Variants in CABLES1 observed in about 807,000 individuals in gnomAD.
The protein encoded by CABLES1 is CDK5 and ABL1 enzyme substrate 1.
A neutral mutation model predicts 57.8 loss-of-function variants in CABLES1; 36 were observed. The ratio of observed to expected loss-of-function variants is 0.62; its 90% CI spans 0.48 to 0.82. CABLES1 has a LOEUF of 0.82. Among genes scored for constraint, CABLES1 ranks in the 40% least tolerant of loss-of-function variants. CABLES1 has a pLI of 0.00. For synonymous variants in CABLES1, 374 were observed against 363.0 expected, an observed-to-expected ratio of 1.03 and a Z score of -0.35; for missense variants, 767 against 836.6, an observed-to-expected ratio of 0.92 and a Z score of 1.03.
chr18:23,212,562 C>T (rs2036301853), intron 3 of CABLES1, among the ~76,000 whole-genome samples: 1 of 152,156 alleles, frequency 6.6e-6, no homozygotes, highest in African/African-American at 2.4e-5. Context: ...CCCTGCCCTC[C>T]CATGACGGAT....
At chr18:23,237,081 C>G (rs45560835) in intron 6 of CABLES1, 61 bp from the exon 7 acceptor site, 1 of 986,688 alleles carries the variant, frequency 1.0e-6, no homozygotes, top group Non-Finnish European at 1.6e-6. Flanking sequence ...TCCTGGCTGT[C>G]TCTGCTGGGG....
chr18:23,202,417 C>T (rs747714951), intron 3 of CABLES1, among the ~76,000 whole-genome samples: 4 of 152,300 alleles, frequency 2.6e-5, no homozygotes, highest in Non-Finnish European at 4.4e-5. Flanking sequence ...GCATCTGGAA[C>T]GGGCCTTTGA....
chr18:23,135,991 C>T lies in CABLES1; in HGVS notation c.229C>T (p.Arg77Trp), dbSNP rs1485653639. Residue 77 changes from arginine (R) to tryptophan (W), a missense_variant, in exon 1 of 10, where the codon CGG becomes TGG. Physicochemically the swap from Arg to Trp is moderately radical, Grantham distance 101 (BLOSUM62 -3). Transcript: ENST00000256925. Reference protein sequence around the residue: ...SFLTNISLDGRLPPQDAEWGG... With the variant: ...SFLTNISLDGWLPPQDAEWGG... ...CCTCACCAACATCTCGCTGGACGGC[C>T]GGCTGCCGCCGCAGGACGCGGAGTG... 8 of 1,138,146 alleles carry T rather than the reference C, an allele frequency of 7.0e-6. No homozygotes were observed. The highest frequency in any genetic ancestry group is 4.6e-5 in the Admixed American group (1 of 21,872). 70.5% of individuals were successfully genotyped at this position (1,138,146 alleles called of 1,614,324 possible).
intron 3 of CABLES1, chr18:23,204,282 A>G (rs1429026680): frequency 6.6e-6 from 1 of 152,268 alleles, no homozygotes; most frequent in African/African-American, 2.4e-5. Flanking sequence ...GCCTCTTTAA[A>G]TAGCATGGAG....
intron 1 of CABLES1, among the ~76,000 whole-genome samples, chr18:23,186,174 G>T (rs1210678064): frequency 6.6e-6 from 1 of 152,218 alleles, no homozygotes; most frequent in Non-Finnish European, 1.5e-5. Context: ...AAGGCCTTGA[G>T]TGGGGGCCAG....
At position 23,234,994 on chromosome 18, in the gene CABLES1, G is replaced by A. The variant is rs186303282; in HGVS notation, c.1185+290G>A. On this transcript the variant is annotated intron_variant, in intron 5 of 9. Coordinates refer to ENST00000256925, the MANE Select transcript of CABLES1 (RefSeq NM_001100619.3). ...CAGACATGTTCCAGGATGGAATGAC[G>A]AATGGATTGAACATCTATTAACTAG... Among the ~76,000 whole-genome samples, 343 of 152,286 alleles carry A rather than the reference G, an allele frequency of 2.3e-3. 2 individuals carry two copies. The highest frequency in any genetic ancestry group is 1.9e-3 in the Non-Finnish European group (126 of 68,032).
intron 3 of CABLES1, among the ~76,000 whole-genome samples, chr18:23,211,205 C>A (rs867091970): frequency 3.3e-5 from 5 of 152,024 alleles, no homozygotes; most frequent in Non-Finnish European, 7.4e-5. Context: ...CTATTAAATA[C>A]GTCCAAACAA....
chr18:23,213,180 C>T (rs924305060), intron 3 of CABLES1, among the ~76,000 whole-genome samples: 1 of 152,098 alleles, frequency 6.6e-6, no homozygotes, highest in Non-Finnish European at 1.5e-5. Context: ...TTATGGTTGT[C>T]GAAAGAAAGG....
At chr18:23,147,785 A>G (rs114236218) in intron 1 of CABLES1, among the ~76,000 whole-genome samples, 130 of 152,272 alleles carry the variant, frequency 8.5e-4, no homozygotes, top group African/African-American at 3.0e-3. Flanking sequence ...CTGTGAGGTG[A>G]AGAGCAACAA....
rs114492882 is a variant in CABLES1 at position 23,173,048 on chromosome 18, C to G, written c.846-15790C>G. Among the ~76,000 whole-genome samples the G allele has an allele frequency of 3.0e-3, 454 of 152,298 alleles. 3 individuals carry two copies. Among genetic ancestry groups the G allele is most frequent in the African/African-American group, 0.011 (442 of 41,556 alleles). ...GGTTATGGAAATGGAAGTCTCAGAG[C>G]TCCAAACGGCACCTTGATGTGTGCA... On this transcript the variant is annotated intron_variant, in intron 1 of 9. Transcript: ENST00000256925.
Position 23,214,629 on chromosome 18 carries a change from G to A in CABLES1, c.1088+575G>A, listed in dbSNP as rs191367881. On this transcript the variant is annotated intron_variant, in intron 4 of 9. Coordinates refer to ENST00000256925, the MANE Select transcript of CABLES1 (RefSeq NM_001100619.3). ...GAGGGTCCGTCCTTGCAAAGCCTCC[G>A]CTCTTCATCGCCATCCCTGAACACC... 1.1e-3 allele frequency: 166 copies of A among 152,482 alleles called. 1 individual carries two copies. The highest frequency in any genetic ancestry group is 2.0e-3 in the Non-Finnish European group (138 of 68,146). The allele number at this position is 152,482 out of a possible 1,614,324, so 9.4% of individuals were successfully genotyped here. A position where few individuals can be genotyped will look rare whatever the true frequency, so the allele number is the denominator to read the frequency against.
intron 1 of CABLES1, among the ~76,000 whole-genome samples, chr18:23,137,153 CCTT>C (rs2046828503): frequency 6.6e-6 from 1 of 152,322 alleles, no homozygotes; most frequent in African/African-American, 2.4e-5. Context: ...AATGGAAAGT[CCTT>C]CTTACATTGC....
At chr18:23,135,128 C>T (rs906724022), upstream of CABLES1, among the ~76,000 whole-genome samples, 30 of 152,224 alleles carry the variant, frequency 2.0e-4, no homozygotes, top group African/African-American at 7.2e-4. Context: ...ACCTAACCCA[C>T]CGGGTTCTGC....
intron 4 of CABLES1, among the ~76,000 whole-genome samples, chr18:23,234,214 G>A (rs1418982105): frequency 1.3e-5 from 2 of 152,102 alleles, no homozygotes; most frequent in East Asian, 1.9e-4. Flanking sequence ...GTGAAACTCC[G>A]TCTCAGAACA....
chr18:23,150,065 G>C (rs755923151), intron 1 of CABLES1: 1 of 152,274 alleles, frequency 6.6e-6, no homozygotes, highest in Non-Finnish European at 1.5e-5. Flanking sequence ...TCTGTCTCTG[G>C]TGAACTTCTA....
Position 23,252,137 on chromosome 18 carries a change from G to A in CABLES1, c.1447-823G>A, listed in dbSNP as rs2048053513. 1.3e-5 allele frequency among the ~76,000 whole-genome samples: 2 copies of A among 151,826 alleles called. 1 individual carries two copies. The highest frequency in any genetic ancestry group is 4.1e-4 in the South Asian group (2 of 4,820). ...AAATAAAATAAGCCTATGACAAAAG[G>A]ACAAATAGACGATTCCACTTACATA... On this transcript the variant is annotated intron_variant, in intron 7 of 9. Coordinates refer to ENST00000256925, the MANE Select transcript of CABLES1 (RefSeq NM_001100619.3).
At chr18:23,150,214 T>TGTTTTTTTTTTTTTTGTTTTTG (rs1568043737) in intron 1 of CABLES1, among the ~76,000 whole-genome samples, 6 of 143,250 alleles carry the variant, frequency 4.2e-5, no homozygotes, top group African/African-American at 1.6e-4. Context: ...TTTGTTTTTT[T>TGTTTTTTTTTTTTTTGTTTTTG]TTTTTTTTTT....
chr18:23,255,409 A>G (rs944739404), intron 9 of CABLES1, among the ~76,000 whole-genome samples: 1 of 152,180 alleles, frequency 6.6e-6, no homozygotes, highest in African/African-American at 2.4e-5. Context: ...TGAAAAGAGT[A>G]TTTTTTAGGT....
chr18:23,214,288 C>T (rs1339056497), intron 4 of CABLES1: 2 of 444,722 alleles, frequency 4.5e-6, no homozygotes, highest in Non-Finnish European at 8.0e-6. Context: ...TCTAAATCTA[C>T]ATTTTGTTAC....
Sources: allele counts gnomAD v4.1 joint callset (sites outside exome capture counted in the v4.1 genomes callset), GRCh38; gene constraint gnomAD v4.1.1; transcripts MANE v1.5; gene names NCBI Gene and HGNC (gene_info 2026-07-23, HGNC 2026-07-21).